KLF7: variants seen among roughly 807,000 people sequenced by gnomAD.
KLF7 encodes the protein KLF transcription factor 7, also known as Krueppel-like factor 7.
Under a neutral mutation model 27.3 loss-of-function variants are expected in KLF7, and 2 were observed. The observed-to-expected ratio is 0.07, with a 90% confidence interval of 0.03 to 0.23. KLF7 has a LOEUF of 0.23. KLF7 is among the 10% of genes least tolerant of loss of function. The pLI, the probability that KLF7 is intolerant of heterozygous loss-of-function variation, is 1.00. For synonymous variants in KLF7, 165 were observed against 162.4 expected, an observed-to-expected ratio of 1.02 and a Z score of -0.12; for missense variants, 221 against 394.1, an observed-to-expected ratio of 0.56 and a Z score of 3.72.
chr2:207,128,183 G>A (rs1277896579), intron 1 of KLF7, among the ~76,000 whole-genome samples: 1 of 152,158 alleles, frequency 6.6e-6, no homozygotes, highest in Non-Finnish European at 1.5e-5. Flanking sequence ...ATAAGGAAGT[G>A]CTCATAAAGT....
intron 2 of KLF7, among the ~76,000 whole-genome samples, chr2:207,105,812 T>A (rs2076870773): frequency 6.6e-6 from 1 of 152,126 alleles, no homozygotes; most frequent in Admixed American, 6.5e-5. Flanking sequence ...GTGAAAGGAC[T>A]TAAACAGACC....
rs1000619414 is a variant in KLF7 at position 207,165,651 on chromosome 2, AC to A, written c.-84del. ...GTTTGTTTGTCAGTCTGTCTGGCTC[AC>A]CCCCCAAGAAGGCAGACATCCAGTG... On this transcript the variant is annotated 5_prime_UTR_variant, in exon 1 of 4. An upstream open reading frame in the 5' UTR gains an earlier in-frame stop. Coordinates refer to ENST00000309446, the MANE Select transcript of KLF7 (RefSeq NM_003709.4). The A allele has an allele frequency of 4.4e-6, 7 of 1,578,190 alleles. No individual in the cohort carries two copies. The highest frequency in any genetic ancestry group is 2.3e-5 in the East Asian group (1 of 44,382).
chr2:207,096,227 T>G (rs2076625921), intron 2 of KLF7, among the ~76,000 whole-genome samples: 1 of 152,184 alleles, frequency 6.6e-6, no homozygotes. Context: ...ACTCCACCTT[T>G]GTGGAATCTC....
chr2:207,106,529 T>G (rs2076887565), intron 2 of KLF7, among the ~76,000 whole-genome samples: 1 of 152,196 alleles, frequency 6.6e-6, no homozygotes, highest in African/African-American at 2.4e-5. Flanking sequence ...GGATGGGCCA[T>G]TCAGCATTCA....
At chr2:207,124,744 AT>A (rs1392186921) in intron 1 of KLF7, among the ~76,000 whole-genome samples, 1 of 152,178 alleles carries the variant, frequency 6.6e-6, no homozygotes, top group African/African-American at 2.4e-5. Flanking sequence ...CCCTCTAGAA[AT>A]TATCATGCAA....
At chr2:207,119,247 T>C (rs190741207) in intron 2 of KLF7, among the ~76,000 whole-genome samples, 9 of 152,316 alleles carry the variant, frequency 5.9e-5, no homozygotes, top group Non-Finnish European at 1.0e-4. Context: ...ACTTCACCAA[T>C]ATGACTCACT....
intron 2 of KLF7, among the ~76,000 whole-genome samples, chr2:207,114,975 G>T (rs933849092): frequency 2.6e-5 from 4 of 152,114 alleles, no homozygotes; most frequent in African/African-American, 9.7e-5. Context: ...TTCCATACAT[G>T]TTATAGTAAT....
chr2:207,169,652 T>G (rs2078772866), upstream of KLF7, among the ~76,000 whole-genome samples: 1 of 152,238 alleles, frequency 6.6e-6, no homozygotes, highest in East Asian at 1.9e-4. Context: ...GAACAAGTCT[T>G]ATCAGCACAA....
chr2:207,131,576 T>C (rs1383564514), intron 1 of KLF7, among the ~76,000 whole-genome samples: 1 of 152,192 alleles, frequency 6.6e-6, no homozygotes, highest in Non-Finnish European at 1.5e-5. Flanking sequence ...ACTAGACGTG[T>C]TTACATATCA....
chr2:207,112,408 G>C (rs1263628), intron 2 of KLF7, among the ~76,000 whole-genome samples: 36,964 of 151,834 alleles, frequency 0.24, 6,046 homozygotes, highest in African/African-American at 0.46. Context: ...ATTCCATAAA[G>C]CCTGAATTTA....
intron 1 of KLF7, among the ~76,000 whole-genome samples, chr2:207,155,572 A>G (rs2078359962): frequency 6.6e-6 from 1 of 152,202 alleles, no homozygotes; most frequent in Non-Finnish European, 1.5e-5. Flanking sequence ...CAAACATAAA[A>G]AGACCCATCA....
At chr2:207,140,283 A>C (rs1375075623) in intron 1 of KLF7, among the ~76,000 whole-genome samples, 1 of 152,200 alleles carries the variant, frequency 6.6e-6, no homozygotes, top group Non-Finnish European at 1.5e-5. Flanking sequence ...TAGAAACTCA[A>C]ATTTATATAA....
chr2:207,161,219 C>T (rs893381547), intron 1 of KLF7, among the ~76,000 whole-genome samples: 1 of 152,148 alleles, frequency 6.6e-6, no homozygotes, highest in Non-Finnish European at 1.5e-5. Context: ...AGAGTTACAT[C>T]TATTTAGTGA....
intron 2 of KLF7, among the ~76,000 whole-genome samples, chr2:207,095,555 T>C (rs535611441): frequency 7.2e-5 from 11 of 152,342 alleles, no homozygotes; most frequent in Admixed American, 2.6e-4. Context: ...TGTGTTTGTG[T>C]TCAATATAGT....
At chr2:207,142,564 T>C (rs1236333235) in intron 1 of KLF7, among the ~76,000 whole-genome samples, 3 of 152,186 alleles carry the variant, frequency 2.0e-5, no homozygotes, top group African/African-American at 7.2e-5. Context: ...TGAAGTGGTA[T>C]GGCAACACAG....
chr2:207,094,966 T>C (rs1251582337), intron 2 of KLF7, among the ~76,000 whole-genome samples: 3 of 151,968 alleles, frequency 2.0e-5, no homozygotes, highest in Non-Finnish European at 1.5e-5. Context: ...TCCAAGTACC[T>C]GAGTTTACAC....
upstream of KLF7, chr2:207,167,194 G>C: frequency 1.4e-6 from 2 of 1,387,846 alleles, no homozygotes; most frequent in Non-Finnish European, 1.9e-6. Context: ...GGAGGAACTC[G>C]ATTTCTCGTT....
upstream of KLF7, chr2:207,166,875 G>C: frequency 9.3e-7 from 1 of 1,076,280 alleles, no homozygotes; most frequent in Non-Finnish European, 1.1e-6. Flanking sequence ...ACAAAGGGGA[G>C]CGGAGCGAGA....
chr2:207,157,219 T>TGAAAAAAA (rs1491268311), intron 1 of KLF7, among the ~76,000 whole-genome samples: 6 of 87,314 alleles, frequency 6.9e-5, no homozygotes, highest in South Asian at 4.1e-4. Context: ...AACAGAAAAG[T>TGAAAAAAA]AAAAAAAAAA....
Sources: gnomAD v4.1 joint callset for allele counts (sites outside exome capture counted in the v4.1 genomes callset) on GRCh38, gnomAD v4.1.1 for gene constraint, MANE v1.5 for transcripts, NCBI Gene and HGNC (gene_info 2026-07-23, HGNC 2026-07-21) for gene names.